ANO1: variants seen among roughly 807,000 people sequenced by gnomAD.
ANO1 encodes anoctamin-1.
Under a neutral mutation model 124.0 loss-of-function variants are expected in ANO1, and 59 were observed. The ratio of observed to expected loss-of-function variants is 0.48; its 90% CI spans 0.39 to 0.59. ANO1 has a LOEUF of 0.59. ANO1 is among the 20% of genes least tolerant of loss of function. The pLI, the probability that ANO1 is intolerant of heterozygous loss-of-function variation, is 0.00. For missense variants in ANO1, 1,059 were observed against 1,328.0 expected, an observed-to-expected ratio of 0.80 and a Z score of 3.15; for synonymous variants, 529 against 532.0, an observed-to-expected ratio of 0.99 and a Z score of 0.08.
At chr11:70,100,261 T>A (rs2045212164) in intron 2 of ANO1, among the ~76,000 whole-genome samples, 1 of 152,106 alleles carries the variant, frequency 6.6e-6, no homozygotes, top group Non-Finnish European at 1.5e-5. Flanking sequence ...TGGCCCCCGA[T>A]CCACATGCTC....
At chr11:70,147,514 T>C (rs1336401048) in intron 11 of ANO1, among the ~76,000 whole-genome samples, 1 of 152,238 alleles carries the variant, frequency 6.6e-6, no homozygotes, top group African/African-American at 2.4e-5. Flanking sequence ...GTTTCAGCGA[T>C]AGCCATTCCC....
the ANO1 span, among the ~76,000 whole-genome samples, chr11:69,970,172 G>T: frequency 1.3e-5 from 2 of 152,168 alleles, no homozygotes; most frequent in Non-Finnish European, 2.9e-5. Flanking sequence ...GGCAAAGGAG[G>T]GAAGGCTGGG....
At position 70,002,380 on chromosome 11, in the gene ANO1, C is replaced by A. The variant is rs548903582; in HGVS notation, c.58+16214C>A. On this transcript the variant is annotated intron_variant, in intron 1 of 27. Transcript: ENST00000531349. ...TCAGGAGGCTGAGGCAGGAGAATTG[C>A]TTGAACCCGAGAGGCAGAGGTTGCA... Among the ~76,000 whole-genome samples, 23 of 144,842 alleles carry A rather than the reference C, an allele frequency of 1.6e-4. No homozygotes were observed. The South Asian group carries it at 3.8e-3, about 24-fold the overall frequency.
At chr11:69,979,364 G>A in the ANO1 span, among the ~76,000 whole-genome samples, 2 of 152,164 alleles carry the variant, frequency 1.3e-5, no homozygotes, top group East Asian at 3.8e-4. Flanking sequence ...CTTTGGAGTT[G>A]ACTAGAAATC....
intron 1 of ANO1, among the ~76,000 whole-genome samples, chr11:70,052,531 CTTTTTTTT>C (rs200770702): frequency 1.2e-3 from 78 of 65,898 alleles, no homozygotes; most frequent in African/African-American, 4.0e-3. Context: ...TTTTTCTTTT[CTTTTTTTT>C]TTTTTTTTTT....
the ANO1 span, among the ~76,000 whole-genome samples, chr11:69,980,177 A>G: frequency 2.6e-5 from 4 of 152,200 alleles, no homozygotes; most frequent in East Asian, 7.7e-4. Context: ...TCCCAAAAAG[A>G]TAAACACCAC....
At chr11:70,128,124 G>A (rs891452579) in intron 10 of ANO1, among the ~76,000 whole-genome samples, 2 of 152,200 alleles carry the variant, frequency 1.3e-5, no homozygotes, top group African/African-American at 4.8e-5. Context: ...TTGTTTAAGT[G>A]ATGTTTTGAT....
intron 10 of ANO1, among the ~76,000 whole-genome samples, chr11:70,128,626 G>A (rs1312000922): frequency 2.0e-5 from 3 of 152,258 alleles, no homozygotes; most frequent in Non-Finnish European, 4.4e-5. Context: ...GACCTGGAGC[G>A]AAGCGGGAGG....
chr11:70,071,020 C>G lies in ANO1; in HGVS notation c.59-7522C>G, dbSNP rs147618981. ...GTAGATGGCCCATGTACTGGGAGTACTACATGGTAGGATCCCTGGGAGGGT... is the reference window on the plus strand; with the variant it reads ...GTAGATGGCCCATGTACTGGGAGTAGTACATGGTAGGATCCCTGGGAGGGT... On this transcript the variant is annotated intron_variant, in intron 1 of 27. Transcript: ENST00000531349. 5.0e-4 allele frequency among the ~76,000 whole-genome samples: 76 copies of G among 152,316 alleles called. 1 individual carries two copies. The East Asian group carries it at 0.013, about 27-fold the overall frequency.
At chr11:70,110,141 G>A (rs1314857464) in intron 6 of ANO1, among the ~76,000 whole-genome samples, 1 of 151,496 alleles carries the variant, frequency 6.6e-6, no homozygotes, top group African/African-American at 2.4e-5. Context: ...TCCAGCAACA[G>A]GAAGGAGGCC....
chr11:70,133,564 C>G (rs988454541), intron 11 of ANO1, among the ~76,000 whole-genome samples: 1 of 152,182 alleles, frequency 6.6e-6, no homozygotes, highest in Non-Finnish European at 1.5e-5. Flanking sequence ...TGCTCCTCCC[C>G]TCTTCATCCT....
intron 1 of ANO1, among the ~76,000 whole-genome samples, chr11:70,066,636 G>A (rs1246880027): frequency 4.6e-5 from 7 of 151,710 alleles, no homozygotes; most frequent in South Asian, 2.1e-4. Flanking sequence ...TGGCGGGGGC[G>A]GGGTGGGTGG....
At chr11:70,004,043 G>A (rs1470435806) in intron 1 of ANO1, among the ~76,000 whole-genome samples, 7 of 152,028 alleles carry the variant, frequency 4.6e-5, no homozygotes, top group Admixed American at 2.0e-4. Context: ...CTCCTGCTCC[G>A]ACCCTTTGGA....
chr11:70,105,484 T>C (rs2045485889), intron 4 of ANO1, among the ~76,000 whole-genome samples: 1 of 152,022 alleles, frequency 6.6e-6, no homozygotes, highest in Non-Finnish European at 1.5e-5. Flanking sequence ...TGGAGGGTGG[T>C]CTGACCGTAC....
chr11:69,995,871 C>T (rs1856260280), intron 1 of ANO1, among the ~76,000 whole-genome samples: 1 of 152,116 alleles, frequency 6.6e-6, no homozygotes, highest in Non-Finnish European at 1.5e-5. Flanking sequence ...CTTTGGGAGG[C>T]AGAGGTGGAG....
intron 1 of ANO1, among the ~76,000 whole-genome samples, chr11:70,027,908 G>A (rs1856937458): frequency 6.6e-6 from 1 of 152,132 alleles, no homozygotes. Flanking sequence ...ATCTTCGTCT[G>A]TAGAAAGCCA....
At chr11:70,147,277 T>C (rs2047416952) in intron 11 of ANO1, among the ~76,000 whole-genome samples, 1 of 152,338 alleles carries the variant, frequency 6.6e-6, no homozygotes, top group African/African-American at 2.4e-5. Context: ...CCTCCTCCAC[T>C]GCTCCAGAGC....
chr11:70,117,980 C>T (rs983650826), intron 8 of ANO1, among the ~76,000 whole-genome samples: 6 of 152,186 alleles, frequency 3.9e-5, no homozygotes, highest in Admixed American at 6.5e-5. Context: ...GCAGAACTCC[C>T]GACTCCAATC....
At chr11:70,060,488 T>C (rs936094191) in intron 1 of ANO1, among the ~76,000 whole-genome samples, 75 of 152,184 alleles carry the variant, frequency 4.9e-4, no homozygotes, top group Non-Finnish European at 1.1e-3. Flanking sequence ...AGGACTTGTG[T>C]TGGGTGCTAA....
Sources: gnomAD v4.1 joint callset for allele counts (sites outside exome capture counted in the v4.1 genomes callset) on GRCh38, gnomAD v4.1.1 for gene constraint, MANE v1.5 for transcripts, NCBI Gene and HGNC (gene_info 2026-07-23, HGNC 2026-07-21) for gene names.